RFX3: variants seen among roughly 807,000 people sequenced by gnomAD.
RFX3 encodes the protein regulatory factor X3.
A neutral mutation model predicts 98.6 loss-of-function variants in RFX3; 14 were observed. The ratio of observed to expected loss-of-function variants is 0.14; its 90% CI spans 0.09 to 0.22. The LOEUF (loss-of-function observed/expected upper bound fraction) is 0.22. RFX3 is among the 10% of genes least tolerant of loss of function. The probability of loss-of-function intolerance (pLI) is 1.00; values close to 1 mark genes in which losing one functional copy is unlikely to be tolerated. For missense variants in RFX3, 639 were observed against 926.9 expected (o/e 0.69, Z 4.03); for synonymous variants, 383 against 328.4 (o/e 1.17, Z -1.80).
chr9:3,403,433 A>T, intron 1 of RFX3, among the ~76,000 whole-genome samples: 1 of 152,164 alleles, frequency 6.6e-6, no homozygotes, highest in Non-Finnish European at 1.5e-5. Context: ...ATCTGTAGAA[A>T]AATGAAGGAA....
At chr9:3,231,631 G>C (rs1818461320) in intron 15 of RFX3, among the ~76,000 whole-genome samples, 1 of 152,026 alleles carries the variant, frequency 6.6e-6, no homozygotes, top group Non-Finnish European at 1.5e-5. Context: ...GAAACCAATT[G>C]CATGGGTTTA....
At chr9:3,348,463 C>A (rs1181432975) in intron 2 of RFX3, among the ~76,000 whole-genome samples, 1 of 151,246 alleles carries the variant, frequency 6.6e-6, no homozygotes. Context: ...TCATTTCCTA[C>A]AGATATTATG....
At chr9:3,264,091 C>T (rs1181507490) in intron 12 of RFX3, among the ~76,000 whole-genome samples, 1 of 152,058 alleles carries the variant, frequency 6.6e-6, no homozygotes, top group Non-Finnish European at 1.5e-5. Context: ...TCTGTTCATA[C>T]CTTTGGAAAT....
At chr9:3,234,377 G>A (rs1405988282) in intron 15 of RFX3, among the ~76,000 whole-genome samples, 1 of 152,156 alleles carries the variant, frequency 6.6e-6, no homozygotes, top group African/African-American at 2.4e-5. Context: ...AGTGGCTTAC[G>A]CTTGTAATAC....
intron 4 of RFX3, among the ~76,000 whole-genome samples, chr9:3,309,143 T>C (rs1260300686): frequency 6.6e-6 from 1 of 152,168 alleles, no homozygotes; most frequent in Non-Finnish European, 1.5e-5. Context: ...GTCATTTCTT[T>C]TGAGTATGCC....
At chr9:3,326,167 T>C (rs964343902) in intron 4 of RFX3, among the ~76,000 whole-genome samples, 2 of 152,102 alleles carry the variant, frequency 1.3e-5, no homozygotes, top group East Asian at 1.9e-4. Flanking sequence ...TAGATGTATA[T>C]ATCTATATAC....
At chr9:3,524,229 A>G (rs1417747354) in intron 1 of RFX3, among the ~76,000 whole-genome samples, 1 of 152,212 alleles carries the variant, frequency 6.6e-6, no homozygotes, top group Non-Finnish European at 1.5e-5. Flanking sequence ...TTAAGCTGAA[A>G]AAAATGAACA....
Position 3,340,297 on chromosome 9 carries a change from A to G in RFX3, c.215+6370T>C, listed in dbSNP as rs944595303. Among the ~76,000 whole-genome samples, 371 of 152,284 alleles carry G rather than the reference A, an allele frequency of 2.4e-3. 3 individuals are homozygous for G. Among genetic ancestry groups the G allele is most frequent in the Non-Finnish European group, 3.4e-3 (234 of 68,028 alleles). On this transcript the variant is annotated intron_variant, in intron 3 of 16. Coordinates refer to ENST00000617270, the MANE Select transcript of RFX3 (RefSeq NM_001282116.2). ...AAATGTTAGACCTAAAACCATAAAAACCCTAGAAGAAAACCTGGGCAATAC... is the reference window on the plus strand; with the variant it reads ...AAATGTTAGACCTAAAACCATAAAAGCCCTAGAAGAAAACCTGGGCAATAC...
At chr9:3,259,923 T>C (rs1170142190) in intron 13 of RFX3, among the ~76,000 whole-genome samples, 8 of 152,068 alleles carry the variant, frequency 5.3e-5, no homozygotes, top group African/African-American at 1.7e-4. Flanking sequence ...AAGAGCATCA[T>C]TCTTATATTG....
chr9:3,312,211 T>C (rs1830040550), intron 4 of RFX3, among the ~76,000 whole-genome samples: 1 of 152,212 alleles, frequency 6.6e-6, no homozygotes. Context: ...CATGTTTGTA[T>C]GTAGATGTGC....
intron 1 of RFX3, among the ~76,000 whole-genome samples, chr9:3,448,160 A>AT (rs534094155): frequency 3.7e-4 from 55 of 149,256 alleles, no homozygotes; most frequent in African/African-American, 1.2e-3. Flanking sequence ...TAAACACATG[A>AT]TTTAAAAAAA....
chr9:3,337,931 A>C lies in RFX3; in HGVS notation c.216-7414T>G, dbSNP rs944692094. ...AGCTACATTATTTGGAATCTTCAAC[A>C]AAGTGCATATATATATGTAAAATCT... On this transcript the variant is annotated intron_variant, in intron 3 of 16. Transcript: ENST00000617270. Among the ~76,000 whole-genome samples the C allele has an allele frequency of 2.0e-4, 30 of 152,184 alleles. 1 individual carries two copies. The highest frequency in any genetic ancestry group is 7.3e-5 in the Non-Finnish European group (5 of 68,030).
At chr9:3,266,330 G>A (rs1300764086) in intron 11 of RFX3, 25 bp from the exon 12 acceptor site, 3 of 1,473,256 alleles carry the variant, frequency 2.0e-6, no homozygotes, top group Admixed American at 3.5e-5. Context: ...ATAAAAGCAG[G>A]ATAAAAAAAA....
At chr9:3,354,361 A>G (rs1304069835) in intron 2 of RFX3, among the ~76,000 whole-genome samples, 1 of 152,004 alleles carries the variant, frequency 6.6e-6, no homozygotes, top group East Asian at 1.9e-4. Flanking sequence ...AGGGCAACAC[A>G]GCAAGACCCC....
intron 15 of RFX3, among the ~76,000 whole-genome samples, chr9:3,245,360 CT>C (rs1219061506): frequency 6.6e-6 from 1 of 152,172 alleles, no homozygotes; most frequent in African/African-American, 2.4e-5. Flanking sequence ...GAAAAGGCCA[CT>C]GTGATTGCAA....
At chr9:3,264,897 A>C (rs113050665) in intron 12 of RFX3, among the ~76,000 whole-genome samples, 85 of 152,352 alleles carry the variant, frequency 5.6e-4, no homozygotes, top group African/African-American at 1.9e-3. Context: ...TACCACATTC[A>C]CTTTGACAAC....
intron 1 of RFX3, among the ~76,000 whole-genome samples, chr9:3,484,315 G>C (rs761292326): frequency 6.6e-6 from 1 of 152,142 alleles, no homozygotes; most frequent in Non-Finnish European, 1.5e-5. Context: ...CACACAACTA[G>C]CACTTAATAA....
At chr9:3,229,511 C>T (rs900168668) in intron 15 of RFX3, among the ~76,000 whole-genome samples, 1 of 152,152 alleles carries the variant, frequency 6.6e-6, no homozygotes, top group African/African-American at 2.4e-5. Context: ...CAATATAGAA[C>T]AATTAATAGC....
chr9:3,305,662 T>C (rs184252132), intron 4 of RFX3, among the ~76,000 whole-genome samples: 5 of 152,142 alleles, frequency 3.3e-5, no homozygotes, highest in African/African-American at 7.2e-5. Flanking sequence ...TCCTACGAAT[T>C]AGCCCATGAT....
Sources: allele counts gnomAD v4.1 joint callset (sites outside exome capture counted in the v4.1 genomes callset), GRCh38; gene constraint gnomAD v4.1.1; transcripts MANE v1.5; gene names NCBI Gene and HGNC (gene_info 2026-07-23, HGNC 2026-07-21).